Variants in TENM2 observed in about 807,000 individuals in gnomAD.
TENM2 encodes teneurin-2.
In TENM2, 52 loss-of-function variants were observed where a neutral mutation model predicts 245.2. The observed-to-expected ratio is 0.21, with a 90% CI of 0.17 to 0.27. TENM2 has a LOEUF of 0.27. Ranked by LOEUF, TENM2 falls within the 10% of genes least tolerant of loss-of-function variation. TENM2 has a pLI of 1.00. For missense variants in TENM2, 3,046 were observed against 3,666.8 expected (o/e 0.83, Z 4.37); for synonymous variants, 1,363 against 1,438.9 (o/e 0.95, Z 1.19).
intron 25 of TENM2, among the ~76,000 whole-genome samples, chr5:168,243,949 T>C (rs1312380270): frequency 1.3e-5 from 2 of 149,206 alleles, no homozygotes. Context: ...TTTTTTTTTT[T>C]TTTTTTTTAA....
chr5:167,649,332 A>T (rs890306712), intron 2 of TENM2, among the ~76,000 whole-genome samples: 1 of 152,186 alleles, frequency 6.6e-6, no homozygotes, highest in African/African-American at 2.4e-5. Flanking sequence ...AAAATGCTTC[A>T]GGAGTTTGAT....
At chr5:167,427,411 C>T (rs1046704978) in intron 2 of TENM2, among the ~76,000 whole-genome samples, 37 of 151,760 alleles carry the variant, frequency 2.4e-4, no homozygotes, top group Admixed American at 2.2e-3. Flanking sequence ...CGAGATCACA[C>T]CACTGCACTC....
chr5:167,459,741 T>C lies in TENM2; in HGVS notation c.502+84268T>C, dbSNP rs1217673517. On this transcript the variant is annotated intron_variant, in intron 2 of 28. Coordinates refer to ENST00000518659, the Ensembl canonical transcript of TENM2. The stretch of plus-strand genomic sequence containing the variant: ...CCCAATGGGTGTGCAGTGACAAATT[T>C]TCTTTTGTAATCAGCCATGTAAACT... Among the ~76,000 whole-genome samples, 3 of 152,272 alleles carry C rather than the reference T, an allele frequency of 2.0e-5. No individual in the cohort carries two copies. The East Asian group carries it at 5.8e-4, about 29-fold the overall frequency.
intron 2 of TENM2, among the ~76,000 whole-genome samples, chr5:167,617,478 GT>G (rs1475443678): frequency 6.6e-6 from 1 of 152,110 alleles, no homozygotes; most frequent in Non-Finnish European, 1.5e-5. Flanking sequence ...TCAATGTATT[GT>G]TTTAGTCCAT....
At chr5:168,161,843 C>CACAT (rs1296353237) in intron 12 of TENM2, among the ~76,000 whole-genome samples, 1 of 151,660 alleles carries the variant, frequency 6.6e-6, no homozygotes, top group African/African-American at 2.4e-5. Flanking sequence ...CACACACACA[C>CACAT]ATCAATAAAG....
intron 3 of TENM2, among the ~76,000 whole-genome samples, chr5:167,891,974 T>G (rs901181281): frequency 6.6e-6 from 1 of 152,180 alleles, no homozygotes; most frequent in Non-Finnish European, 1.5e-5. Context: ...TGGAAAAGAT[T>G]CCAACTTTTA....
chr5:168,110,964 G>A (rs554008959), intron 9 of TENM2, among the ~76,000 whole-genome samples: 1 of 152,176 alleles, frequency 6.6e-6, no homozygotes, highest in Admixed American at 6.5e-5. Flanking sequence ...TAACTTCCCT[G>A]GGTTTAATTA....
At chr5:168,204,949 A>C (rs1347145413) in intron 19 of TENM2, among the ~76,000 whole-genome samples, 1 of 152,232 alleles carries the variant, frequency 6.6e-6, no homozygotes, top group Non-Finnish European at 1.5e-5. Flanking sequence ...TTCATTTGCT[A>C]ATTCAAAATG....
At chr5:168,162,675 T>C (rs959558220) in exon 13 of TENM2, 2 of 1,613,796 alleles carry the variant, frequency 1.2e-6, no homozygotes, top group African/African-American at 2.7e-5. Flanking sequence ...GCTGGCAGTG[T>C]GTCTGCCAGA....
In TENM2 at chr5:168,247,623, T is replaced by C; in HGVS notation, c.6684T>C (p.Leu2228=). 3.1e-6 allele frequency: 5 copies of C among 1,613,864 alleles called. No individual in the cohort carries two copies. Among genetic ancestry groups the C allele is most frequent in the Non-Finnish European group, 2.5e-6 (3 of 1,179,864 alleles). The change falls in exon 27 of 29, where the codon CTT becomes CTC. Residue 2228 remains leucine, a synonymous_variant. Coordinates refer to ENST00000518659, the Ensembl canonical transcript of TENM2. This position sits in a 1 kb window ranked among gnomAD's most constrained non-coding sequence, Gnocchi z 7.8. ...CGACCTGGCGCTACAGCTATGACCT[T>C]AATGGGAATCTCCACTTACTGAACC...
chr5:167,086,266 C>A, the TENM2 span, among the ~76,000 whole-genome samples: 1 of 152,184 alleles, frequency 6.6e-6, no homozygotes, highest in Non-Finnish European at 1.5e-5. Flanking sequence ...ATGTGACCTT[C>A]ATCAGCAAGT....
the TENM2 span, among the ~76,000 whole-genome samples, chr5:167,238,807 C>T: frequency 6.6e-6 from 1 of 151,454 alleles, no homozygotes; most frequent in Non-Finnish European, 1.5e-5. Flanking sequence ...TTTGTATGAT[C>T]TTTCTTCACT....
At chr5:167,514,373 C>G (rs541032546) in intron 2 of TENM2, among the ~76,000 whole-genome samples, 4 of 152,280 alleles carry the variant, frequency 2.6e-5, no homozygotes, top group African/African-American at 9.6e-5. Flanking sequence ...ACTTCCTAAG[C>G]TCTCTGCTGT....
chr5:167,096,940 C>G, the TENM2 span, among the ~76,000 whole-genome samples: 1 of 152,096 alleles, frequency 6.6e-6, no homozygotes, highest in Non-Finnish European at 1.5e-5. Flanking sequence ...TGGTTTTTCT[C>G]TTTATCTTGC....
chr5:167,912,128 G>A (rs1314822235), intron 3 of TENM2, among the ~76,000 whole-genome samples: 2 of 151,948 alleles, frequency 1.3e-5, no homozygotes, highest in Non-Finnish European at 1.5e-5. Flanking sequence ...TTGAAATTTT[G>A]TATCTTTTGA....
At chr5:167,705,538 A>G (rs1461740078) in intron 2 of TENM2, among the ~76,000 whole-genome samples, 2 of 152,158 alleles carry the variant, frequency 1.3e-5, no homozygotes, top group Non-Finnish European at 2.9e-5. Context: ...ATATAGAGGT[A>G]AAAGAGGGTG....
the TENM2 span, among the ~76,000 whole-genome samples, chr5:167,159,920 C>T: frequency 3.9e-5 from 6 of 152,186 alleles, no homozygotes; most frequent in Admixed American, 6.5e-5. Flanking sequence ...GTCCACTTCA[C>T]ATACAAACAG....
At chr5:167,409,393 G>A (rs1762794358) in intron 2 of TENM2, among the ~76,000 whole-genome samples, 1 of 151,908 alleles carries the variant, frequency 6.6e-6, no homozygotes, top group African/African-American at 2.4e-5. Context: ...AACAGTACAA[G>A]GAACTTTCAT....
chr5:167,015,912 G>A, the TENM2 span, among the ~76,000 whole-genome samples: 1 of 151,814 alleles, frequency 6.6e-6, no homozygotes, highest in Non-Finnish European at 1.5e-5. Context: ...TTTCTGCCCT[G>A]AGTAATCCTC....
Sources: gnomAD v4.1 joint callset for allele counts (sites outside exome capture counted in the v4.1 genomes callset) on GRCh38, gnomAD v4.1.1 for gene constraint, Gnocchi (gnomAD v3.1) non-coding constraint, MANE v1.5 for transcripts, NCBI Gene and HGNC (gene_info 2026-07-23, HGNC 2026-07-21) for gene names.